Variants in SVIL observed in about 807,000 individuals in gnomAD.
SVIL encodes the protein archvillin.
SVIL carries 101 observed loss-of-function variants against 240.4 expected under a neutral mutation model. The observed-to-expected ratio is 0.42, with a 90% CI of 0.36 to 0.50. The LOEUF is 0.50. Among genes scored for constraint, SVIL ranks in the 20% least tolerant of loss-of-function variants. The pLI, the probability that SVIL is intolerant of heterozygous loss-of-function variation, is 0.01. For synonymous variants in SVIL, 999 were observed against 1,100.0 expected, an observed-to-expected ratio of 0.91 and a Z score of 1.82; for missense variants, 2,512 against 2,818.7, an observed-to-expected ratio of 0.89 and a Z score of 2.46.
intron 1 of SVIL, among the ~76,000 whole-genome samples, chr10:29,573,117 T>G (rs1589296945): frequency 6.6e-6 from 1 of 152,188 alleles, no homozygotes; most frequent in Non-Finnish European, 1.5e-5. Context: ...ATGGGTACAT[T>G]CAGTGATGCT....
rs1161363170 is a variant in SVIL at position 29,470,337 on chromosome 10, A to T, written c.5782T>A (p.Cys1928Ser). The T allele has an allele frequency of 1.2e-6, 2 of 1,614,176 alleles. No individual in the cohort carries two copies. Among genetic ancestry groups the T allele is most frequent in the East Asian group, 2.2e-5 (1 of 44,876 alleles). ...TCCTTCGTGTGGGCCTGGGCTTTGC[A>T]TCCGTGCCACAGGTAGATGAGGGCC... ...NKALIYLWHG[C>S]KAQAHTKEVG... Residue 1928 changes from cysteine (C) to serine (S), a missense_variant, in exon 32 of 38, where the codon TGC becomes AGC. Around this residue, in one of 3 missense-constraint regions of SVIL, gnomAD observed 797 missense variants for 925.3 expected, o/e 0.86. Transcript: ENST00000355867.
At position 29,704,782 on chromosome 10, in the gene SVIL, C is replaced by T. The variant is rs149281548; in HGVS notation, c.-399-18131G>A. 3.1e-4 allele frequency among the ~76,000 whole-genome samples: 47 copies of T among 152,192 alleles called. No homozygotes were observed. The East Asian group carries it at 8.3e-3, about 27-fold the overall frequency. ...AACGTCACTGCCCCCTCCATCCTAG[C>T]GGACAACTCAGAGTGACTCAAGCCC... On this transcript the variant is annotated intron_variant, in intron 1 of 35. Transcript: ENST00000375400.
intron 2 of SVIL, among the ~76,000 whole-genome samples, chr10:29,675,472 GC>G (rs1422757881): frequency 6.6e-6 from 1 of 152,090 alleles, no homozygotes; most frequent in Non-Finnish European, 1.5e-5. Context: ...CCACTGCACT[GC>G]AATTGTCTCT....
chr10:29,585,573 A>C (rs2368369), intron 1 of SVIL, among the ~76,000 whole-genome samples: 41,115 of 152,058 alleles, frequency 0.27, 5,630 homozygotes, highest in East Asian at 0.3. Flanking sequence ...AAAGAAGACA[A>C]CGAGGACACC....
At chr10:29,630,433 G>C (rs759827528) in intron 1 of SVIL, among the ~76,000 whole-genome samples, 1 of 152,146 alleles carries the variant, frequency 6.6e-6, no homozygotes, top group African/African-American at 2.4e-5. Flanking sequence ...TCCTACAATA[G>C]GGAGTGTCTC....
Position 29,493,180 on chromosome 10 carries a change from C to A in SVIL, c.4019+34G>T, listed in dbSNP as rs752785638. 42 of 1,600,374 alleles carry A rather than the reference C, an allele frequency of 2.6e-5. No homozygotes were observed. The Admixed American group carries it at 3.7e-4, about 14-fold the overall frequency. ...CTCTGCAGGCGAAGGAAGCCCTTCT[C>A]AGTGGAGGAAAGACGGAGACCCAAA... On this transcript the variant is annotated intron_variant, in intron 21 of 37. Coordinates refer to ENST00000355867, the MANE Select transcript of SVIL (RefSeq NM_021738.3).
At chr10:29,717,409 A>G (rs1589570422) in intron 1 of SVIL, among the ~76,000 whole-genome samples, 1 of 152,148 alleles carries the variant, frequency 6.6e-6, no homozygotes, top group Non-Finnish European at 1.5e-5. Context: ...GACATTTTTC[A>G]TAAGAGAAGT....
chr10:29,465,764 G>A lies in SVIL; in HGVS notation c.5978-14C>T. ...AACTTCCAGGATCTTTGAAAGAAAA[G>A]AGAACAAAGCTGAAGATATCATGTG... On this transcript the variant is annotated splice_polypyrimidine_tract_variant and intron_variant, in intron 33 of 37. Transcript: ENST00000355867. 1 of 1,610,482 alleles carries A rather than the reference G, an allele frequency of 6.2e-7. No homozygotes were observed. Among genetic ancestry groups the A allele is most frequent in the Non-Finnish European group, 8.5e-7 (1 of 1,179,220 alleles).
Position 29,550,705 on chromosome 10 carries a change from G to C in SVIL, c.719C>G (p.Thr240Ser). ...FSFSGRDSSF[T>S]EVPRSPKHAH... ...GTGCTTGGGGGACCGTGGCACTTCA[G>C]TGAAGGAGGAGTCTCGCCCAGAGAA... Residue 240 changes from threonine to serine, a missense_variant, in exon 6 of 38, where the codon ACT (threonine) becomes AGT (serine). Physicochemically the swap from Thr to Ser is moderately conservative, Grantham distance 58. This residue lies in a region of SVIL where 1,443 missense variants were observed against 1,486.6 expected (regional missense o/e 0.97). Transcript: ENST00000355867. 1.2e-6 allele frequency: 2 copies of C among 1,614,180 alleles called. No individual in the cohort carries two copies. The highest frequency in any genetic ancestry group is 1.7e-6 in the Non-Finnish European group (2 of 1,180,022).
In SVIL at chr10:29,506,788, C is replaced by G. The variant is rs1214338978; in HGVS notation, c.3516+5947G>C. Among the ~76,000 whole-genome samples, 5 of 147,630 alleles carry G rather than the reference C, an allele frequency of 3.4e-5. No individual in the cohort carries two copies. The South Asian group carries it at 1.1e-3, about 32-fold the overall frequency. On this transcript the variant is annotated intron_variant, in intron 17 of 37. Coordinates refer to ENST00000355867, the MANE Select transcript of SVIL (RefSeq NM_021738.3). ...AGGCCCTAGAGGGAAAGGACAGAGGCCCTATGAGGGAGGGGACAGAGGGCC... is the reference window on the plus strand; with the variant it reads ...AGGCCCTAGAGGGAAAGGACAGAGGGCCTATGAGGGAGGGGACAGAGGGCC...
chr10:29,627,566 T>G (rs1244451104), intron 1 of SVIL, among the ~76,000 whole-genome samples: 1 of 152,186 alleles, frequency 6.6e-6, no homozygotes, highest in Non-Finnish European at 1.5e-5. Flanking sequence ...AAACAAAGCA[T>G]GTTGGCTGTT....
chr10:29,562,616 C>T (rs1221270759), intron 3 of SVIL, among the ~76,000 whole-genome samples: 2 of 152,002 alleles, frequency 1.3e-5, no homozygotes, highest in Admixed American at 6.6e-5. Context: ...AAAAAATTAG[C>T]CGGGCGTGGT....
At chr10:29,614,603 C>G (rs1042856070) in intron 1 of SVIL, among the ~76,000 whole-genome samples, 2 of 152,056 alleles carry the variant, frequency 1.3e-5, no homozygotes. Flanking sequence ...AAAGTGGGAG[C>G]TGAACAATGA....
At chr10:29,680,459 C>T (rs140888449) in intron 2 of SVIL, among the ~76,000 whole-genome samples, 276 of 152,344 alleles carry the variant, frequency 1.8e-3, no homozygotes, top group African/African-American at 6.3e-3. Context: ...ACACATGCTA[C>T]AGCATGGCGC....
chr10:29,548,526 C>A (rs1483096458), intron 6 of SVIL, among the ~76,000 whole-genome samples: 1 of 152,108 alleles, frequency 6.6e-6, no homozygotes, highest in East Asian at 1.9e-4. Flanking sequence ...GATTTCATAC[C>A]TTTTTCAATT....
chr10:29,729,450 GGTGTGTGTGTGTGTGTGTGT>G lies in SVIL; in HGVS notation c.-400+6281_-400+6300del, dbSNP rs55940009. 3.3e-3 allele frequency among the ~76,000 whole-genome samples: 448 copies of G among 136,780 alleles called. 4 individuals are homozygous for G. The highest frequency in any genetic ancestry group is 0.012 in the African/African-American group (428 of 35,370). 89.7% of individuals were successfully genotyped at this position (136,780 alleles called of 152,430 possible). ...CATGCTGGGCCTCTGTGTTTATGGA[GGTGTGTGTGTGTGTGTGTGT>G]GTGTGTGTGTGTGTGTGTGTGTGTG... On this transcript the variant is annotated intron_variant, in intron 1 of 35. Coordinates refer to the SVIL transcript ENST00000375400.
At chr10:29,522,786 C>T in intron 15 of SVIL, 151 bp from the exon 16 acceptor site, 1 of 890,244 alleles carries the variant, frequency 1.1e-6, no homozygotes, top group Non-Finnish European at 1.7e-6. Flanking sequence ...CTGCAGCACG[C>T]TACACTCTGT....
chr10:29,691,439 C>A (rs1339566916), intron 1 of SVIL, among the ~76,000 whole-genome samples: 1 of 152,166 alleles, frequency 6.6e-6, no homozygotes, highest in African/African-American at 2.4e-5. Flanking sequence ...TCTCGATCTC[C>A]TGACCTCGTG....
At position 29,524,009 on chromosome 10, in the gene SVIL, T is replaced by A. The variant is rs763558039; in HGVS notation, c.2605A>T (p.Ile869Phe). 7.4e-6 allele frequency: 12 copies of A among 1,611,634 alleles called. No individual in the cohort carries two copies. In the South Asian group the frequency reaches 1.3e-4, roughly 18 times the overall value. ...GTGTTCACGGCAGGTGAGAAAGGAATGAGCTTTCCACTCTGCACCTGGAAG... is the reference window on the plus strand; with the variant it reads ...GTGTTCACGGCAGGTGAGAAAGGAAAGAGCTTTCCACTCTGCACCTGGAAG... ...EVEQVQSGKL[I>F]PFSPAVNTSV... Residue 869 changes from isoleucine to phenylalanine, a missense_variant, in exon 15 of 38, where the codon ATT becomes TTT. Around this residue, in one of 3 missense-constraint regions of SVIL, gnomAD observed 1,443 missense variants for 1,486.6 expected, o/e 0.97. Transcript: ENST00000355867.
Sources: gnomAD v4.1 joint callset for allele counts (sites outside exome capture counted in the v4.1 genomes callset) on GRCh38, gnomAD v4.1.1 for gene constraint, gnomAD v4.1.1 regional missense constraint, MANE v1.5 for transcripts, NCBI Gene and HGNC (gene_info 2026-07-23, HGNC 2026-07-21) for gene names.